GABRA1: variants seen among roughly 807,000 people sequenced by gnomAD.
The protein encoded by GABRA1 is gamma-aminobutyric acid type A receptor subunit alpha1, also known as gamma-aminobutyric acid receptor subunit alpha-1.
In GABRA1, 9 loss-of-function variants were observed where a neutral mutation model predicts 48.9. The observed-to-expected ratio is 0.18, with a 90% confidence interval of 0.11 to 0.32. The LOEUF (loss-of-function observed/expected upper bound fraction) is 0.32, where lower values mean the gene tolerates loss of function less well. Among genes scored for constraint, GABRA1 ranks in the 10% least tolerant of loss-of-function variants. The pLI is 1.00. For missense variants in GABRA1, 285 were observed against 553.8 expected (o/e 0.51, Z 4.87); for synonymous variants, 210 against 198.7 (o/e 1.06, Z -0.48).
chr5:161,854,787 C>A (rs1029374885), intron 3 of GABRA1, among the ~76,000 whole-genome samples: 2 of 151,416 alleles, frequency 1.3e-5, no homozygotes, highest in Non-Finnish European at 3.0e-5. Flanking sequence ...GAACTTATAC[C>A]CTAATTTTCT....
At chr5:161,875,535 G>T in intron 5 of GABRA1, 25 bp from the exon 6 acceptor site, 1 of 1,586,820 alleles carries the variant, frequency 6.3e-7, no homozygotes, top group Non-Finnish European at 8.7e-7. Flanking sequence ...TATGGCTCTT[G>T]TTTGTATTCT....
At chr5:161,896,011 C>A in intron 9 of GABRA1, 143 bp downstream of exon 9, 1 of 742,824 alleles carries the variant, frequency 1.3e-6, no homozygotes, top group South Asian at 1.6e-5. Flanking sequence ...CAATTAAGTG[C>A]CATGATAATT....
At chr5:161,869,657 T>G (rs1009563824) in intron 4 of GABRA1, among the ~76,000 whole-genome samples, 1 of 152,148 alleles carries the variant, frequency 6.6e-6, no homozygotes, top group African/African-American at 2.4e-5. Context: ...GCAGGAACAC[T>G]TCAATACAAT....
chr5:161,881,500 G>A (rs1443169018), intron 6 of GABRA1, among the ~76,000 whole-genome samples: 2 of 152,118 alleles, frequency 1.3e-5, no homozygotes, highest in Non-Finnish European at 2.9e-5. Context: ...AAATGATTGA[G>A]AAGAGTGATA....
chr5:161,848,887 C>T (rs1757326989), intron 1 of GABRA1: 1 of 442,246 alleles, frequency 2.3e-6, no homozygotes, highest in East Asian at 7.5e-5. Flanking sequence ...GTTCCATCAT[C>T]CTAGGGAAGG....
chr5:161,879,367 C>T (rs999119031), intron 6 of GABRA1, among the ~76,000 whole-genome samples: 1 of 152,172 alleles, frequency 6.6e-6, no homozygotes, highest in East Asian at 1.9e-4. Flanking sequence ...CCATGTTGGC[C>T]TTAAAAAATC....
At chr5:161,849,548 C>A (rs1470245482) in intron 1 of GABRA1, among the ~76,000 whole-genome samples, 1 of 152,008 alleles carries the variant, frequency 6.6e-6, no homozygotes, top group African/African-American at 2.4e-5. Flanking sequence ...GCTTACAAGC[C>A]TGTTTGTAAT....
chr5:161,899,471 T>C lies in GABRA1; in HGVS notation c.*2049T>C, dbSNP rs1262381940. On this transcript the variant is annotated 3_prime_UTR_variant, in exon 10 of 10. Transcript: ENST00000393943. ...TATACTAATGTGTTTATTGAGAGCA[T>C]TTTACCTTCCAGACTTCTCATGGCT... 6.6e-6 allele frequency: 1 copy of C among 152,188 alleles called. No individual in the cohort carries two copies. The highest frequency in any genetic ancestry group is 1.5e-5 in the Non-Finnish European group (1 of 68,000). The allele number at this position is 152,188 out of a possible 1,614,324, so 9.4% of individuals were successfully genotyped here. A position where few individuals can be genotyped will look rare whatever the true frequency, so the allele number is the denominator to read the frequency against.
Position 161,851,972 on chromosome 5 carries a change from CTCTTCAAAATATA to C in GABRA1, c.74+1090_74+1102del, listed in dbSNP as rs1198816590. On this transcript the variant is annotated intron_variant, in intron 2 of 9. Transcript: ENST00000393943. ...AAATCAGGTAATGTAACTGGCATTTCTCTTCAAAATATATATTCAGTTTAGGAAACACTACATT... is the reference window on the plus strand; with the variant it reads ...AAATCAGGTAATGTAACTGGCATTTCTATTCAGTTTAGGAAACACTACATT... Among the ~76,000 whole-genome samples the C allele has an allele frequency of 2.0e-4, 30 of 152,138 alleles. No individual in the cohort carries two copies. The East Asian group carries it at 5.6e-3, about 28-fold the overall frequency.
intron 4 of GABRA1, among the ~76,000 whole-genome samples, chr5:161,868,354 T>C (rs1176006004): frequency 6.6e-6 from 1 of 152,058 alleles, no homozygotes; most frequent in Admixed American, 6.6e-5. Flanking sequence ...AATTTTTCAC[T>C]CTTATAGGCA....
At chr5:161,872,845 T>A (rs1754181573) in intron 4 of GABRA1, among the ~76,000 whole-genome samples, 1 of 152,180 alleles carries the variant, frequency 6.6e-6, no homozygotes, top group Non-Finnish European at 1.5e-5. Flanking sequence ...GGGTGTTACT[T>A]TCCTTTTACA....
At chr5:161,886,742 A>C (rs1395495051) in intron 7 of GABRA1, among the ~76,000 whole-genome samples, 2 of 152,088 alleles carry the variant, frequency 1.3e-5, no homozygotes, top group Non-Finnish European at 2.9e-5. Flanking sequence ...ACACCACTGC[A>C]CTCCAACCTG....
intron 8 of GABRA1, among the ~76,000 whole-genome samples, chr5:161,895,288 C>T (rs1755311549): frequency 6.6e-6 from 1 of 152,018 alleles, no homozygotes; most frequent in African/African-American, 2.4e-5. Flanking sequence ...CAGAAGTTAC[C>T]TGTGGATCAC....
chr5:161,865,794 T>C lies in GABRA1; in HGVS notation c.255+6T>C, dbSNP rs1391712180. 17 of 1,607,644 alleles carry C rather than the reference T, an allele frequency of 1.1e-5. No homozygotes were observed. Among genetic ancestry groups the C allele is most frequent in the Non-Finnish European group, 1.3e-5 (15 of 1,174,430 alleles). Reference sequence around the variant, plus strand: ...CCGTTTCAGACCATGATATGGTAAGTGGACACTTTATCTTTGCTTTTCTTG... The same window carrying C: ...CCGTTTCAGACCATGATATGGTAAGCGGACACTTTATCTTTGCTTTTCTTG... On this transcript the variant is annotated splice_donor_region_variant and intron_variant, in intron 4 of 9. Coordinates refer to ENST00000393943, the MANE Select transcript of GABRA1 (RefSeq NM_001127644.2).
rs971753859 is a variant in GABRA1 at position 161,859,476 on chromosome 5, A to G, written c.187+5206A>G. Among the ~76,000 whole-genome samples, 9 of 151,890 alleles carry G rather than the reference A, an allele frequency of 5.9e-5. No homozygotes were observed. In the South Asian group the frequency reaches 1.9e-3, roughly 31 times the overall value. On this transcript the variant is annotated intron_variant, in intron 3 of 9. Transcript: ENST00000393943. ...CTTGGGTTCCATTTCTTTATGTAAA[A>G]GTAAGAAAAAATGGAAAACTAAGAG...
chr5:161,867,502 C>A (rs1258605093), intron 4 of GABRA1, among the ~76,000 whole-genome samples: 1 of 152,130 alleles, frequency 6.6e-6, no homozygotes, highest in Non-Finnish European at 1.5e-5. Flanking sequence ...TGACCTTGAA[C>A]AAATTGCTTA....
At chr5:161,890,762 T>G in intron 7 of GABRA1, 136 bp from the exon 8 acceptor site, 1 of 779,176 alleles carries the variant, frequency 1.3e-6, no homozygotes, top group South Asian at 1.5e-5. Flanking sequence ...ATAAAAACTT[T>G]TCCCTCCAAG....
chr5:161,893,977 A>G (rs894246576), intron 8 of GABRA1, among the ~76,000 whole-genome samples: 2 of 152,138 alleles, frequency 1.3e-5, no homozygotes, highest in African/African-American at 4.8e-5. Flanking sequence ...TAATTTATGG[A>G]CACATTTGGT....
chr5:161,880,086 T>A (rs1353833703), intron 6 of GABRA1, among the ~76,000 whole-genome samples: 3 of 152,180 alleles, frequency 2.0e-5, no homozygotes, highest in Non-Finnish European at 4.4e-5. Context: ...AGAAAAACAC[T>A]TACAAAACAC....
Sources: gnomAD v4.1 joint callset for allele counts (sites outside exome capture counted in the v4.1 genomes callset) on GRCh38, gnomAD v4.1.1 for gene constraint, MANE v1.5 for transcripts, NCBI Gene and HGNC (gene_info 2026-07-23, HGNC 2026-07-21) for gene names.